KCNIP4: variants seen among roughly 807,000 people sequenced by gnomAD.
KCNIP4 encodes the protein Kv channel-interacting protein 4.
Under a neutral mutation model 34.0 loss-of-function variants are expected in KCNIP4, and 12 were observed. That is an observed-to-expected ratio of 0.35 (90% confidence interval 0.23 to 0.57). The LOEUF (loss-of-function observed/expected upper bound fraction) is 0.57, where lower values mean the gene tolerates loss of function less well. KCNIP4 is among the 20% of genes least tolerant of loss of function. The probability of loss-of-function intolerance (pLI) is 0.83; values close to 1 mark genes in which losing one functional copy is unlikely to be tolerated. For missense variants in KCNIP4, 238 were observed against 311.7 expected, an observed-to-expected ratio of 0.76 and a Z score of 1.78; for synonymous variants, 124 against 102.2, an observed-to-expected ratio of 1.21 and a Z score of -1.29.
intron 1 of KCNIP4, chr4:21,697,211 G>C: frequency 8.2e-7 from 1 of 1,218,778 alleles, no homozygotes; most frequent in Non-Finnish European, 1.0e-6. Flanking sequence ...ATAAATCTCA[G>C]CAAATACAGT....
intron 1 of KCNIP4, among the ~76,000 whole-genome samples, chr4:21,773,892 A>G (rs1227006840): frequency 1.3e-5 from 2 of 151,758 alleles, no homozygotes; most frequent in African/African-American, 4.8e-5. Flanking sequence ...ACTCTATCCA[A>G]TTTGCCAGTC....
chr4:21,169,340 C>T (rs1405841642), intron 1 of KCNIP4, among the ~76,000 whole-genome samples: 2 of 151,728 alleles, frequency 1.3e-5, no homozygotes, highest in East Asian at 2.0e-4. Flanking sequence ...TGTGCTGAGA[C>T]GGGGCCCTTC....
rs544816555 is a variant in KCNIP4, at chr4:21,219,618, G to A, written c.62-336909C>T. Among the ~76,000 whole-genome samples, 7 of 152,232 alleles carry A rather than the reference G, an allele frequency of 4.6e-5. No homozygotes were observed. In the South Asian group the frequency reaches 1.2e-3, roughly 27 times the overall value. Reference sequence around the variant, plus strand: ...AACCTACATTCATTTGCAACTGGTTGAGAGAAGAAAGGGGACACGATTAAA... The same window carrying A: ...AACCTACATTCATTTGCAACTGGTTAAGAGAAGAAAGGGGACACGATTAAA... On this transcript the variant is annotated intron_variant, in intron 1 of 8. Transcript: ENST00000382152.
At chr4:20,780,125 G>T (rs997421432) in intron 3 of KCNIP4, among the ~76,000 whole-genome samples, 3 of 152,196 alleles carry the variant, frequency 2.0e-5, no homozygotes, top group African/African-American at 7.2e-5. Context: ...GAACTTGTGA[G>T]ACTAAGAAGG....
intron 1 of KCNIP4, among the ~76,000 whole-genome samples, chr4:21,503,119 T>C (rs1733500955): frequency 6.6e-6 from 1 of 152,212 alleles, no homozygotes; most frequent in Non-Finnish European, 1.5e-5. Context: ...GCTGCTTCTA[T>C]ACTTCATTTT....
At chr4:21,096,878 G>GCTC (rs1341861781) in intron 1 of KCNIP4, among the ~76,000 whole-genome samples, 3 of 152,028 alleles carry the variant, frequency 2.0e-5, no homozygotes, top group Admixed American at 1.3e-4. Context: ...ACTGAGGAGG[G>GCTC]CTCCTGAAGG....
In KCNIP4 at chr4:20,976,830, T is replaced by G. The variant is rs111474333; in HGVS notation, c.62-94121A>C. Reference sequence around the variant, plus strand: ...TCATGTTTGAACAGAAGCAAAAAGATGAACTTTTTCTCTTTTTTTTGAGAT... The same window carrying G: ...TCATGTTTGAACAGAAGCAAAAAGAGGAACTTTTTCTCTTTTTTTTGAGAT... On this transcript the variant is annotated intron_variant, in intron 1 of 8. Coordinates refer to ENST00000382152, the MANE Select transcript of KCNIP4 (RefSeq NM_025221.6). 1.6e-3 allele frequency among the ~76,000 whole-genome samples: 247 copies of G among 152,230 alleles called. 1 individual carries two copies. Among genetic ancestry groups the G allele is most frequent in the African/African-American group, 5.6e-3 (234 of 41,556 alleles).
At chr4:21,117,644 T>C (rs1749807893) in intron 1 of KCNIP4, among the ~76,000 whole-genome samples, 2 of 152,200 alleles carry the variant, frequency 1.3e-5, no homozygotes, top group South Asian at 4.2e-4. Flanking sequence ...CTAACTCCCT[T>C]TTTCACGTGG....
In KCNIP4 at chr4:21,914,793, G is replaced by T. The variant is rs539814883; in HGVS notation, c.61+33778C>A. ...AGAGTCACCGCTGAGCTCCCCAAGA[G>T]CAGTGGCATCACCTTCAAGGTTTAC... On this transcript the variant is annotated intron_variant, in intron 1 of 8. Coordinates refer to ENST00000382152, the MANE Select transcript of KCNIP4 (RefSeq NM_025221.6). Among the ~76,000 whole-genome samples the T allele has an allele frequency of 3.5e-3, 532 of 152,198 alleles. 3 individuals are homozygous for T. Among genetic ancestry groups the T allele is most frequent in the Non-Finnish European group, 5.6e-3 (379 of 68,014 alleles).
At chr4:21,908,500 T>C (rs935887119) in intron 1 of KCNIP4, among the ~76,000 whole-genome samples, 6 of 152,174 alleles carry the variant, frequency 3.9e-5, no homozygotes, top group Non-Finnish European at 5.9e-5. Context: ...AGGTTCACCA[T>C]TCAATCATAT....
intron 1 of KCNIP4, chr4:21,845,360 T>A (rs1400372194): frequency 1.3e-5 from 2 of 152,148 alleles, no homozygotes; most frequent in East Asian, 3.9e-4. Flanking sequence ...AAATTTCATA[T>A]AATTTTCACA....
chr4:20,851,753 A>C (rs1384222097), intron 2 of KCNIP4, among the ~76,000 whole-genome samples: 3 of 152,328 alleles, frequency 2.0e-5, no homozygotes, highest in African/African-American at 7.2e-5. Flanking sequence ...TCCAACCTGG[A>C]ATTTGTTTCT....
At chr4:21,876,035 A>C (rs1343741588) in intron 1 of KCNIP4, among the ~76,000 whole-genome samples, 1 of 152,186 alleles carries the variant, frequency 6.6e-6, no homozygotes, top group African/African-American at 2.4e-5. Flanking sequence ...AGTTTTGTGA[A>C]GCCTATGGCC....
intron 1 of KCNIP4, among the ~76,000 whole-genome samples, chr4:21,348,480 T>C (rs922350650): frequency 1.3e-4 from 20 of 152,172 alleles, no homozygotes; most frequent in African/African-American, 9.7e-5. Flanking sequence ...TGTTTAGCAG[T>C]TCCATCCTGG....
intron 1 of KCNIP4, among the ~76,000 whole-genome samples, chr4:21,791,594 A>G (rs10021705): frequency 0.16 from 24,411 of 151,846 alleles, 4,839 homozygotes; most frequent in African/African-American, 0.48. Context: ...TCTGGTGAGT[A>G]AGATGTCTGT....
chr4:21,319,990 T>C (rs1714198943), intron 1 of KCNIP4, among the ~76,000 whole-genome samples: 1 of 152,248 alleles, frequency 6.6e-6, no homozygotes, highest in African/African-American at 2.4e-5. Context: ...TGTTTTTCTA[T>C]ATGTTCCTGG....
intron 1 of KCNIP4, among the ~76,000 whole-genome samples, chr4:21,278,941 C>G (rs1009540301): frequency 1.3e-5 from 2 of 152,086 alleles, no homozygotes; most frequent in Non-Finnish European, 2.9e-5. Flanking sequence ...AATGCAAGCC[C>G]TTGAATGTTG....
At chr4:20,983,998 A>G (rs998075430) in intron 1 of KCNIP4, 1 of 1,520,284 alleles carries the variant, frequency 6.6e-7, no homozygotes, top group African/African-American at 1.4e-5. Flanking sequence ...GAATCGTAGC[A>G]ACGTCAGGCT....
chr4:21,496,891 G>A (rs184119169), intron 1 of KCNIP4, among the ~76,000 whole-genome samples: 25 of 152,176 alleles, frequency 1.6e-4, no homozygotes, highest in African/African-American at 4.3e-4. Context: ...AACCATCCCC[G>A]CCCTGCTCTG....
Sources: allele counts gnomAD v4.1 joint callset (sites outside exome capture counted in the v4.1 genomes callset), GRCh38; gene constraint gnomAD v4.1.1; transcripts MANE v1.5; gene names NCBI Gene and HGNC (gene_info 2026-07-23, HGNC 2026-07-21).